Variants in ABLIM1 observed in about 807,000 individuals in gnomAD.
ABLIM1 encodes the protein actin binding LIM protein 1.
In ABLIM1, 40 loss-of-function variants were observed where a neutral mutation model predicts 107.0. That is an observed-to-expected ratio of 0.37 (90% confidence interval 0.29 to 0.49). The LOEUF (loss-of-function observed/expected upper bound fraction) is 0.49. ABLIM1 is among the 20% of genes least tolerant of loss of function. The pLI is 0.97. For synonymous variants in ABLIM1, 357 were observed against 357.3 expected (o/e 1.00, Z 0.01); for missense variants, 857 against 1,008.5 (o/e 0.85, Z 2.04).
intron 6 of ABLIM1, among the ~76,000 whole-genome samples, chr10:114,518,583 GAAAC>G (rs2063265572): frequency 6.6e-6 from 1 of 151,856 alleles, no homozygotes; most frequent in Non-Finnish European, 1.5e-5. Context: ...GCCCATAGGT[GAAAC>G]CTGGCCCACT....
chr10:114,694,576 A>T (rs574228518), intron 1 of ABLIM1, among the ~76,000 whole-genome samples: 13 of 152,308 alleles, frequency 8.5e-5, no homozygotes, highest in African/African-American at 2.9e-4. Flanking sequence ...CTCACCTGTA[A>T]GATGGGGATA....
intron 11 of ABLIM1, among the ~76,000 whole-genome samples, chr10:114,467,210 C>A (rs1263260215): frequency 1.3e-5 from 2 of 152,088 alleles, no homozygotes; most frequent in Non-Finnish European, 2.9e-5. Context: ...CATAGCACCA[C>A]TAAAATGTCA....
chr10:114,608,888 G>A (rs1013868653), intron 1 of ABLIM1, among the ~76,000 whole-genome samples: 1 of 151,530 alleles, frequency 6.6e-6, no homozygotes, highest in Non-Finnish European at 1.5e-5. Context: ...GGTGGCAGGT[G>A]CCTGTTATCC....
At chr10:114,505,871 A>C (rs2061056363) in intron 6 of ABLIM1, among the ~76,000 whole-genome samples, 1 of 151,870 alleles carries the variant, frequency 6.6e-6, no homozygotes, top group Non-Finnish European at 1.5e-5. Context: ...TTTTCTCTTG[A>C]CTTTTATTTT....
intron 12 of ABLIM1, among the ~76,000 whole-genome samples, chr10:114,463,954 G>A (rs941942227): frequency 6.6e-6 from 1 of 152,126 alleles, no homozygotes; most frequent in Non-Finnish European, 1.5e-5. Context: ...AGGAGAGAAG[G>A]AGAAGATTCT....
chr10:114,768,660 C>T (rs1415152451), upstream of ABLIM1, among the ~76,000 whole-genome samples: 3 of 142,274 alleles, frequency 2.1e-5, no homozygotes, highest in Non-Finnish European at 4.6e-5. Context: ...AGCCTATGGG[C>T]GGGGTGGGAT....
intron 6 of ABLIM1, among the ~76,000 whole-genome samples, chr10:114,495,195 C>T (rs1565606743): frequency 1.3e-5 from 2 of 152,104 alleles, no homozygotes; most frequent in African/African-American, 4.8e-5. Flanking sequence ...TCATCTCAAC[C>T]CTTTATAACA....
rs771291367 is a variant in ABLIM1 at position 114,571,289 on chromosome 10, G to A, written c.673+8C>T. ...GTATTCACGTCAGTGGGTCACCGGGGCACTTACTGCTGGAGAAGGTGGTTT... is the reference window on the plus strand; with the variant it reads ...GTATTCACGTCAGTGGGTCACCGGGACACTTACTGCTGGAGAAGGTGGTTT... On this transcript the variant is annotated splice_region_variant and intron_variant, in intron 4 of 22. Transcript: ENST00000533213. 6.2e-7 allele frequency: 1 copy of A among 1,612,924 alleles called. No homozygotes were observed. The highest frequency in any genetic ancestry group is 2.2e-5 in the East Asian group (1 of 44,876).
chr10:114,795,905 G>C, the ABLIM1 span, among the ~76,000 whole-genome samples: 6 of 152,158 alleles, frequency 3.9e-5, no homozygotes, highest in African/African-American at 1.4e-4. Flanking sequence ...CCATGAGAAA[G>C]CATGTCCTTG....
chr10:114,687,516 G>A (rs1435178093), upstream of ABLIM1, among the ~76,000 whole-genome samples: 2 of 152,216 alleles, frequency 1.3e-5, no homozygotes, highest in African/African-American at 4.8e-5. Flanking sequence ...TGCAATTAAG[G>A]TATGACCGAT....
chr10:114,525,947 A>G (rs527379639), intron 6 of ABLIM1, among the ~76,000 whole-genome samples: 4 of 152,284 alleles, frequency 2.6e-5, no homozygotes, highest in Non-Finnish European at 5.9e-5. Context: ...TTTCCCCCCA[A>G]AAAAAGTCTT....
chr10:114,458,711 A>T (rs1440253139), intron 12 of ABLIM1, among the ~76,000 whole-genome samples: 2 of 152,258 alleles, frequency 1.3e-5, no homozygotes, highest in East Asian at 3.8e-4. Flanking sequence ...AAGAGGAAAG[A>T]TTCCTTTCAA....
At chr10:114,526,609 C>T (rs2064798075) in intron 6 of ABLIM1, 1 of 985,296 alleles carries the variant, frequency 1.0e-6, no homozygotes, top group Non-Finnish European at 1.2e-6. Flanking sequence ...AATCTCACAT[C>T]TGCCACGCAA....
chr10:114,745,885 G>A (rs551574394), intron 1 of ABLIM1, among the ~76,000 whole-genome samples: 5 of 152,158 alleles, frequency 3.3e-5, no homozygotes, highest in South Asian at 2.1e-4. Context: ...AAAACATGAC[G>A]TCAATCTCTA....
chr10:114,437,797 T>C, intron 22 of ABLIM1, 47 bp downstream of exon 22: 1 of 1,493,508 alleles, frequency 6.7e-7, no homozygotes, highest in Non-Finnish European at 9.3e-7. Context: ...GTTGGGGGAG[T>C]GCATAGGGAT....
chr10:114,500,714 A>G (rs1590530939), intron 6 of ABLIM1, among the ~76,000 whole-genome samples: 2 of 114,120 alleles, frequency 1.8e-5, no homozygotes, highest in African/African-American at 3.1e-5. Flanking sequence ...AAGAGAAGGG[A>G]AGGGAAAGGA....
intron 2 of ABLIM1, among the ~76,000 whole-genome samples, chr10:114,583,468 C>CATATATAT (rs140129654): frequency 3.3e-3 from 49 of 15,048 alleles, no homozygotes; most frequent in South Asian, 0.012. Context: ...CACACACACA[C>CATATATAT]ATATATATAT....
chr10:114,632,742 C>T (rs1221651767), intron 1 of ABLIM1: 2 of 985,268 alleles, frequency 2.0e-6, no homozygotes, highest in East Asian at 2.3e-4. Flanking sequence ...CTTCCCCCTT[C>T]TCCCTCTGTT....
the ABLIM1 span, among the ~76,000 whole-genome samples, chr10:114,787,651 A>C: frequency 8.9e-6 from 1 of 112,252 alleles, no homozygotes. Context: ...GGCCGCCCCT[A>C]CTGGGAAGTG....
Sources: allele counts gnomAD v4.1 joint callset (sites outside exome capture counted in the v4.1 genomes callset), GRCh38; gene constraint gnomAD v4.1.1; transcripts MANE v1.5; gene names NCBI Gene and HGNC (gene_info 2026-07-23, HGNC 2026-07-21).